The following NRG3 variants were observed in gnomAD, a reference collection of about 807,000 sequenced individuals.
NRG3 encodes the protein neuregulin 3.
A neutral mutation model predicts 66.9 loss-of-function variants in NRG3; 31 were observed. That is an observed-to-expected ratio of 0.46 (90% CI 0.35 to 0.63). The LOEUF (loss-of-function observed/expected upper bound fraction) is 0.63, where lower values mean the gene tolerates loss of function less well. Ranked by LOEUF, NRG3 falls within the 20% of genes least tolerant of loss-of-function variation. The pLI, the probability that NRG3 is intolerant of heterozygous loss-of-function variation, is 0.00. For synonymous variants in NRG3, 393 were observed against 359.4 expected (o/e 1.09, Z -1.06); for missense variants, 910 against 878.9 (o/e 1.04, Z -0.45).
At chr10:82,549,610 T>C (rs2132867635) in intron 2 of NRG3, among the ~76,000 whole-genome samples, 3 of 152,326 alleles carry the variant, frequency 2.0e-5, no homozygotes, top group Admixed American at 2.0e-4. Flanking sequence ...TCACTATCTG[T>C]TACAAAGCTG....
At chr10:81,989,393 C>T (rs1589701939) in intron 1 of NRG3, among the ~76,000 whole-genome samples, 2 of 151,596 alleles carry the variant, frequency 1.3e-5, no homozygotes, top group South Asian at 2.1e-4. Flanking sequence ...AGGACCCAGT[C>T]GCATACCTTA....
At chr10:82,142,216 G>C (rs1049411666) in intron 1 of NRG3, among the ~76,000 whole-genome samples, 1 of 152,200 alleles carries the variant, frequency 6.6e-6, no homozygotes, top group Non-Finnish European at 1.5e-5. Context: ...GAATGGAGCA[G>C]TTGCAAATGC....
chr10:82,333,853 A>G (rs573461758), intron 1 of NRG3, among the ~76,000 whole-genome samples: 111 of 152,268 alleles, frequency 7.3e-4, no homozygotes, highest in African/African-American at 2.6e-3. Flanking sequence ...GATGGCTCCA[A>G]TCTTTCTGTA....
At chr10:81,997,831 T>G (rs991638946) in intron 1 of NRG3, among the ~76,000 whole-genome samples, 5 of 151,694 alleles carry the variant, frequency 3.3e-5, no homozygotes, top group African/African-American at 1.2e-4. Flanking sequence ...CATATTTGTC[T>G]ATATGTCTGC....
intron 1 of NRG3, among the ~76,000 whole-genome samples, chr10:82,263,102 C>T (rs1272116427): frequency 6.6e-6 from 1 of 152,124 alleles, no homozygotes; most frequent in East Asian, 1.9e-4. Context: ...TTGTTAATGT[C>T]TGTAAGATGG....
chr10:82,154,750 A>AT (rs758349049), intron 1 of NRG3, among the ~76,000 whole-genome samples: 69 of 150,914 alleles, frequency 4.6e-4, no homozygotes, highest in Non-Finnish European at 6.1e-4. Context: ...TATTTTATCA[A>AT]TTTTTTTTGG....
chr10:82,350,844 G>A (rs1332962394), intron 1 of NRG3, among the ~76,000 whole-genome samples: 2 of 151,958 alleles, frequency 1.3e-5, no homozygotes, highest in African/African-American at 4.8e-5. Flanking sequence ...TGGAGTTTTA[G>A]CCACAATATG....
chr10:82,808,703 C>T (rs1306251601), intron 3 of NRG3, among the ~76,000 whole-genome samples: 1 of 152,124 alleles, frequency 6.6e-6, no homozygotes, highest in Non-Finnish European at 1.5e-5. Flanking sequence ...TTAAATCAAA[C>T]CCGGAATTTA....
chr10:82,784,288 A>G (rs1228765879), intron 3 of NRG3, among the ~76,000 whole-genome samples: 1 of 151,608 alleles, frequency 6.6e-6, no homozygotes, highest in African/African-American at 2.4e-5. Context: ...CATTCAGGAC[A>G]TAGGCATGGG....
chr10:82,936,529 G>A (rs1848082854), intron 4 of NRG3, among the ~76,000 whole-genome samples: 1 of 152,116 alleles, frequency 6.6e-6, no homozygotes, highest in African/African-American at 2.4e-5. Context: ...AAGTTCAAGA[G>A]ACCTATTGTG....
intron 2 of NRG3, among the ~76,000 whole-genome samples, chr10:82,409,391 C>A (rs1346015034): frequency 6.6e-6 from 1 of 152,100 alleles, no homozygotes; most frequent in Admixed American, 6.6e-5. Context: ...AATAAATTAG[C>A]ACTCCATTAA....
intron 1 of NRG3, among the ~76,000 whole-genome samples, chr10:82,137,622 A>G (rs1220502317): frequency 6.6e-6 from 1 of 152,202 alleles, no homozygotes; most frequent in Non-Finnish European, 1.5e-5. Flanking sequence ...TTGATTCAAG[A>G]AAACGGCATT....
intron 1 of NRG3, among the ~76,000 whole-genome samples, chr10:82,357,963 ACT>A (rs2083887223): frequency 6.6e-6 from 1 of 151,884 alleles, no homozygotes. Context: ...GTTGCTTAAA[ACT>A]CTGTAATTGG....
rs1380323177 is a variant in NRG3, at chr10:82,562,869, C to G, written c.954-175708C>G. 5.9e-5 allele frequency among the ~76,000 whole-genome samples: 9 copies of G among 152,084 alleles called. No individual in the cohort carries two copies. The South Asian group carries it at 6.2e-4, about 11-fold the overall frequency. ...AGTGGGTGGGGAGGGCACCCTGGCT[C>G]TTTACTCCCTGAATCCTAACATGGC... On this transcript the variant is annotated intron_variant, in intron 2 of 8. Coordinates refer to ENST00000372141, the MANE Select transcript of NRG3 (RefSeq NM_001010848.4).
chr10:82,063,512 C>CCTTT (rs2064277686), intron 1 of NRG3, among the ~76,000 whole-genome samples: 1 of 147,488 alleles, frequency 6.8e-6, no homozygotes, highest in African/African-American at 2.5e-5. Flanking sequence ...AGGAAAAGAT[C>CCTTT]TTTTTTTTTT....
chr10:82,192,001 G>C (rs2074169695), intron 1 of NRG3, among the ~76,000 whole-genome samples: 1 of 152,032 alleles, frequency 6.6e-6, no homozygotes, highest in African/African-American at 2.4e-5. Flanking sequence ...GCATTTATCT[G>C]CTCCCATCAA....
At chr10:82,859,159 G>A (rs2063976256) in intron 3 of NRG3, 1 of 152,244 alleles carries the variant, frequency 6.6e-6, no homozygotes, top group Non-Finnish European at 1.5e-5. Flanking sequence ...GTGTTAACCA[G>A]GATGGTCTCA....
intron 1 of NRG3, among the ~76,000 whole-genome samples, chr10:82,010,166 G>A (rs2132626459): frequency 6.6e-6 from 1 of 152,292 alleles, no homozygotes; most frequent in East Asian, 1.9e-4. Flanking sequence ...ACCATCAAGT[G>A]ACATTATAAG....
intron 3 of NRG3, among the ~76,000 whole-genome samples, chr10:82,823,901 A>G (rs186124266): frequency 1.3e-5 from 2 of 152,280 alleles, no homozygotes; most frequent in Admixed American, 1.3e-4. Context: ...GTTTTTTAGC[A>G]TATACATAAA....
Sources: gnomAD v4.1 joint callset for allele counts (sites outside exome capture counted in the v4.1 genomes callset) on GRCh38, gnomAD v4.1.1 for gene constraint, MANE v1.5 for transcripts, NCBI Gene and HGNC (gene_info 2026-07-23, HGNC 2026-07-21) for gene names.